The following IFRD1 variants were observed in gnomAD, a reference collection of about 807,000 sequenced individuals.
The protein encoded by IFRD1 is interferon-related developmental regulator 1.
In IFRD1, 35 loss-of-function variants were observed where a neutral mutation model predicts 52.9. The observed-to-expected ratio is 0.66, with a 90% CI of 0.51 to 0.88. IFRD1 has a LOEUF of 0.88. Ranked by LOEUF, IFRD1 falls within the 40% of genes least tolerant of loss-of-function variation. The pLI is 0.00. For missense variants in IFRD1, 517 were observed against 550.8 expected (o/e 0.94, Z 0.61); for synonymous variants, 184 against 188.4 (o/e 0.98, Z 0.19).
At chr7:112,441,135 G>A (rs866712413) in intron 1 of IFRD1, among the ~76,000 whole-genome samples, 2 of 151,914 alleles carry the variant, frequency 1.3e-5, no homozygotes, top group African/African-American at 2.4e-5. Context: ...TTAGCTGGGC[G>A]TTCGTGGTGT....
chr7:112,466,206 T>G (rs1795604830), intron 8 of IFRD1, among the ~76,000 whole-genome samples: 1 of 152,156 alleles, frequency 6.6e-6, no homozygotes, highest in Non-Finnish European at 1.5e-5. Context: ...GGAAGCTGTT[T>G]ATGGACTTTT....
chr7:112,456,132 C>T, intron 3 of IFRD1, 46 bp downstream of exon 3: 1 of 1,059,224 alleles, frequency 9.4e-7, no homozygotes, highest in East Asian at 2.4e-5. Context: ...TATGCTTGAT[C>T]TTAGTCAAAA....
At chr7:112,473,036 G>A (rs1795797593) in intron 11 of IFRD1, among the ~76,000 whole-genome samples, 175 bp downstream of exon 11, 1 of 72,090 alleles carries the variant, frequency 1.4e-5, no homozygotes, top group South Asian at 4.0e-4. Flanking sequence ...GGGCGTGTGT[G>A]TGTGTGTGTG....
chr7:112,439,291 ATATGGGACTTT>A (rs1794805266), intron 1 of IFRD1, among the ~76,000 whole-genome samples: 1 of 152,228 alleles, frequency 6.6e-6, no homozygotes. Context: ...TTCTTGGAAC[ATATGGGACTTT>A]TAAGGGAAGT....
chr7:112,434,258 T>C (rs1185117470), intron 1 of IFRD1, among the ~76,000 whole-genome samples: 2 of 152,180 alleles, frequency 1.3e-5, no homozygotes, highest in African/African-American at 4.8e-5. Context: ...TTCTTTATTT[T>C]GTGCACTGAA....
intron 1 of IFRD1, among the ~76,000 whole-genome samples, chr7:112,451,866 C>T (rs978632269): frequency 8.5e-5 from 13 of 152,122 alleles, no homozygotes; most frequent in African/African-American, 3.1e-4. Flanking sequence ...CCCTCTGCCA[C>T]GGCTGCCACT....
At chr7:112,441,865 G>A (rs931939738) in intron 1 of IFRD1, among the ~76,000 whole-genome samples, 1 of 152,182 alleles carries the variant, frequency 6.6e-6, no homozygotes. Flanking sequence ...CCTGAGGAAT[G>A]TTTGTTGAAG....
rs777149839 is a variant in IFRD1, at chr7:112,450,792, A to G, written c.94+10A>G. On this transcript the variant is annotated intron_variant, in intron 1 of 11. Coordinates refer to ENST00000403825, the MANE Select transcript of IFRD1 (RefSeq NM_001550.4). ...ACGGCGGCGACAGCAGGTAAGGGGTATCCCCGCCGCCGGCATCCCAGTTGC... is the reference window on the plus strand; with the variant it reads ...ACGGCGGCGACAGCAGGTAAGGGGTGTCCCCGCCGCCGGCATCCCAGTTGC... 6.2e-7 allele frequency: 1 copy of G among 1,600,192 alleles called. No homozygotes were observed. The highest frequency in any genetic ancestry group is 1.7e-5 in the Admixed American group (1 of 59,856).
chr7:112,472,326 A>G lies in IFRD1; in HGVS notation c.1149A>G (p.Ser383=). 1 of 1,614,052 alleles carries G rather than the reference A, an allele frequency of 6.2e-7. No homozygotes were observed. The highest frequency in any genetic ancestry group is 8.5e-7 in the Non-Finnish European group (1 of 1,179,930). ...ACACCTTTAAGGAGGTTCTTGGATCAGGGATGCAGTACCACTTGCAGGTAA... is the reference window on the plus strand; with the variant it reads ...ACACCTTTAAGGAGGTTCTTGGATCGGGGATGCAGTACCACTTGCAGGTAA... ...TYDTFKEVLG[S]GMQYHLQSNE... The change falls in exon 10 of 12, where the codon TCA becomes TCG. Residue 383 remains serine (S), a synonymous_variant. Coordinates refer to ENST00000403825, the MANE Select transcript of IFRD1 (RefSeq NM_001550.4).
At chr7:112,454,070 C>T (rs1000846367) in intron 1 of IFRD1, among the ~76,000 whole-genome samples, 1 of 152,140 alleles carries the variant, frequency 6.6e-6, no homozygotes, top group Non-Finnish European at 1.5e-5. Flanking sequence ...TAGTTTATGA[C>T]TTGGCAGTCC....
chr7:112,455,053 G>A (rs1795254809), intron 1 of IFRD1, among the ~76,000 whole-genome samples: 1 of 151,100 alleles, frequency 6.6e-6, no homozygotes, highest in African/African-American at 2.4e-5. Context: ...TAGTAGAGAC[G>A]GGGTTTCACC....
At chr7:112,458,137 A>G (rs1795340353) in intron 4 of IFRD1, 1 of 152,220 alleles carries the variant, frequency 6.6e-6, no homozygotes, top group African/African-American at 2.4e-5. Context: ...ACCTTTAAAA[A>G]TTCCATTTTA....
Position 112,462,127 on chromosome 7 carries a change from A to T in IFRD1, c.745A>T (p.Thr249Ser). 1 of 1,613,814 alleles carries T rather than the reference A, an allele frequency of 6.2e-7. No individual in the cohort carries two copies. The highest frequency in any genetic ancestry group is 8.5e-7 in the Non-Finnish European group (1 of 1,179,826). ...TCATATCAGCTCTCTTCTTGCATGGACACTACTGCTGACCATATGCCCAAT... is the reference window on the plus strand; with the variant it reads ...TCATATCAGCTCTCTTCTTGCATGGTCACTACTGCTGACCATATGCCCAAT... ...VLHISSLLAW[T>S]LLLTICPINE... is the part of the protein sequence containing the mutation. The change falls in exon 7 of 12, where the codon ACA (threonine) becomes TCA (serine). Residue 249 changes from threonine (T) to serine (S), a missense_variant. Thr to Ser is a moderately conservative substitution (Grantham distance 58). Transcript: ENST00000403825.
chr7:112,430,227 A>G (rs1209381637), intron 1 of IFRD1, among the ~76,000 whole-genome samples: 1 of 152,210 alleles, frequency 6.6e-6, no homozygotes, highest in Non-Finnish European at 1.5e-5. Flanking sequence ...TGGGAGCCCA[A>G]TTCTTTTTTA....
At chr7:112,433,077 T>C (rs959664010) in intron 1 of IFRD1, among the ~76,000 whole-genome samples, 3 of 152,328 alleles carry the variant, frequency 2.0e-5, no homozygotes, top group South Asian at 2.1e-4. Flanking sequence ...GTGTGGATCA[T>C]AGAATCAACT....
intron 1 of IFRD1, among the ~76,000 whole-genome samples, 200 bp from the exon 2 acceptor site, chr7:112,455,563 T>C (rs1314537185): frequency 6.6e-6 from 1 of 152,192 alleles, no homozygotes; most frequent in Non-Finnish European, 1.5e-5. Context: ...GATGTATCAT[T>C]GGTCCTTTGA....
At chr7:112,455,727 T>G (rs6944364) in intron 1 of IFRD1, 36 bp from the exon 2 acceptor site, 685,761 of 1,397,752 alleles carry the variant, frequency 0.49, 172,133 homozygotes, top group Non-Finnish European at 0.52. Flanking sequence ...TATATGGCAA[T>G]AAAATAATTT....
chr7:112,463,831 TAC>T lies in IFRD1; in HGVS notation c.906+1455_906+1456del, dbSNP rs879453623. On this transcript the variant is annotated intron_variant, in intron 8 of 11. Coordinates refer to ENST00000403825, the MANE Select transcript of IFRD1 (RefSeq NM_001550.4). The stretch of plus-strand genomic sequence containing the variant: ...ACACATACATACATGTATATACATA[TAC>T]ATATATATACACATTTATATACACA... 1.6e-3 allele frequency among the ~76,000 whole-genome samples: 175 copies of T among 106,934 alleles called. 1 individual carries two copies. Among genetic ancestry groups the T allele is most frequent in the African/African-American group, 4.9e-3 (123 of 25,350 alleles). 70.2% of individuals were successfully genotyped at this position (106,934 alleles called of 152,430 possible).
chr7:112,466,636 T>G lies in IFRD1; in HGVS notation c.907-1345T>G, dbSNP rs199739011. ...CCCAGTTGATAATCACTGGCAGTGATTCTCACTTCTTAGAACAAATTAAAA... is the reference window on the plus strand; with the variant it reads ...CCCAGTTGATAATCACTGGCAGTGAGTCTCACTTCTTAGAACAAATTAAAA... On this transcript the variant is annotated intron_variant, in intron 8 of 11. Coordinates refer to ENST00000403825, the MANE Select transcript of IFRD1 (RefSeq NM_001550.4). Among the ~76,000 whole-genome samples, 4 of 152,304 alleles carry G rather than the reference T, an allele frequency of 2.6e-5. No individual in the cohort carries two copies. In the East Asian group the frequency reaches 7.7e-4, roughly 29 times the overall value.
Sources: allele counts gnomAD v4.1 joint callset (sites outside exome capture counted in the v4.1 genomes callset), GRCh38; gene constraint gnomAD v4.1.1; transcripts MANE v1.5; gene names NCBI Gene and HGNC (gene_info 2026-07-23, HGNC 2026-07-21).